SLC4A1: variants seen among roughly 807,000 people sequenced by gnomAD.
The protein encoded by SLC4A1 is band 3 anion transport protein.
SLC4A1 carries 29 observed loss-of-function variants against 93.1 expected under a neutral mutation model. The observed-to-expected ratio is 0.31, with a 90% CI of 0.23 to 0.42. The LOEUF (loss-of-function observed/expected upper bound fraction) is 0.42. Among genes scored for constraint, SLC4A1 ranks in the 20% least tolerant of loss-of-function variants. SLC4A1 has a pLI of 1.00. For synonymous variants in SLC4A1, 469 were observed against 497.2 expected (o/e 0.94, Z 0.76); for missense variants, 965 against 1,190.1 (o/e 0.81, Z 2.78).
At chr17:44,252,263 C>G (rs1451390199) in intron 17 of SLC4A1, among the ~76,000 whole-genome samples, 1 of 151,980 alleles carries the variant, frequency 6.6e-6, no homozygotes, top group Non-Finnish European at 1.5e-5. Flanking sequence ...CCATGTTGGA[C>G]AGGGTGACCC....
Position 44,257,513 on chromosome 17 carries a change from A to C in SLC4A1, c.1463T>G (p.Val488Gly). 1 of 1,614,078 alleles carries C rather than the reference A, an allele frequency of 6.2e-7. No individual in the cohort carries two copies. Among genetic ancestry groups the C allele is most frequent in the Non-Finnish European group, 8.5e-7 (1 of 1,180,010 alleles). ...CCAGAAGCCGATCCACACGCGGCCCACGATGTACTCTAGACCGTTGGTCTC... is the reference window on the plus strand; with the variant it reads ...CCAGAAGCCGATCCACACGCGGCCCCCGATGTACTCTAGACCGTTGGTCTC... The part of the protein sequence containing the change: ...FCETNGLEYI[V>G]GRVWIGFWLI... The change falls in exon 13 of 20, where the codon GTG (valine) becomes GGG (glycine). Residue 488 changes from valine (V) to glycine (G), a missense_variant. Around this residue, in one of 2 missense-constraint regions of SLC4A1, gnomAD observed 770 missense variants for 1,006.6 expected, o/e 0.76. Transcript: ENST00000262418.
In SLC4A1 at chr17:44,262,733, G is replaced by A; in HGVS notation, c.16-7C>T. ...TCATGTCTTCATAATCATCCTGTGGGAAGTGGCCGCTGAGGCTGGGCTGTG... is the reference window on the plus strand; with the variant it reads ...TCATGTCTTCATAATCATCCTGTGGAAAGTGGCCGCTGAGGCTGGGCTGTG... On this transcript the variant is annotated splice_region_variant and splice_polypyrimidine_tract_variant and intron_variant, in intron 2 of 19. Coordinates refer to ENST00000262418, the MANE Select transcript of SLC4A1 (RefSeq NM_000342.4). 1 of 1,613,720 alleles carries A rather than the reference G, an allele frequency of 6.2e-7. No homozygotes were observed. Among genetic ancestry groups the A allele is most frequent in the South Asian group, 1.1e-5 (1 of 91,070 alleles).
intron 16 of SLC4A1, 39 bp downstream of exon 16, chr17:44,254,457 T>G: frequency 3.1e-6 from 4 of 1,282,720 alleles, no homozygotes; most frequent in Admixed American, 1.7e-5. Flanking sequence ...GGTCCCTGCC[T>G]CCCACCCTCC....
rs753548782 is a variant in SLC4A1, at chr17:44,260,657, C to T, written c.327G>A (p.Glu109=). 8 of 1,614,056 alleles carry T rather than the reference C, an allele frequency of 5.0e-6. No homozygotes were observed. The highest frequency in any genetic ancestry group is 2.5e-6 in the Non-Finnish European group (3 of 1,180,024). The change falls in exon 5 of 20, where the codon GAG becomes GAA. Residue 109 remains glutamate (E), a synonymous_variant. Transcript: ENST00000262418. Reference sequence around the variant, plus strand: ...CACCCTTGGTGAAGACTCTACGCAGCTCTAGGAGGCTCCAGAAGGTGAGGT... The same window carrying T: ...CACCCTTGGTGAAGACTCTACGCAGTTCTAGGAGGCTCCAGAAGGTGAGGT... ...LSHLTFWSLL[E]LRRVFTKGTV... is the part of the protein sequence containing the mutation.
intron 3 of SLC4A1, chr17:44,262,185 A>C: frequency 4.0e-6 from 2 of 498,930 alleles, no homozygotes; most frequent in Non-Finnish European, 5.6e-6. Context: ...TGTTGACAGT[A>C]AACAGGTCCT....
At position 44,253,305 on chromosome 17, in the gene SLC4A1, C is replaced by G; in HGVS notation, c.2124G>C (p.Leu708=). The change falls in exon 17 of 20, where the codon CTG becomes CTC. Residue 708 remains leucine, a synonymous_variant. Coordinates refer to ENST00000262418, the MANE Select transcript of SLC4A1 (RefSeq NM_000342.4). ...CGGCCACCCCACCCATGCCTACTAC[C>G]AGCAGCAGGTCCAGGTGGAAGCCGG... ...KGSGFHLDLL[L]VVGMGGVAAL... 1 of 1,614,042 alleles carries G rather than the reference C, an allele frequency of 6.2e-7. No individual in the cohort carries two copies. Among genetic ancestry groups the G allele is most frequent in the Non-Finnish European group, 8.5e-7 (1 of 1,179,992 alleles).
At chr17:44,260,051 G>C in intron 6 of SLC4A1, 119 bp from the exon 7 acceptor site, 1 of 1,307,328 alleles carries the variant, frequency 7.6e-7, no homozygotes, top group Non-Finnish European at 1.1e-6. Context: ...AGACATCTGG[G>C]ACTTCCCAGA....
intron 16 of SLC4A1, among the ~76,000 whole-genome samples, chr17:44,253,608 G>A (rs2047362536): frequency 6.6e-6 from 1 of 151,986 alleles, no homozygotes; most frequent in South Asian, 2.1e-4. Flanking sequence ...GCTTCAGGGA[G>A]CTTTGCTTGT....
At chr17:44,263,968 G>A (rs1319707249) in intron 1 of SLC4A1, among the ~76,000 whole-genome samples, 3 of 151,926 alleles carry the variant, frequency 2.0e-5, no homozygotes, top group African/African-American at 7.3e-5. Flanking sequence ...TAGAAACAGG[G>A]TCTCACTATC....
At chr17:44,265,717 G>A (rs2047490713) in intron 1 of SLC4A1, among the ~76,000 whole-genome samples, 1 of 152,168 alleles carries the variant, frequency 6.6e-6, no homozygotes, top group African/African-American at 2.4e-5. Flanking sequence ...TGTGAGGCAT[G>A]CCTGGGTGGA....
Position 44,268,125 on chromosome 17 carries a change from C to G in SLC4A1, c.-140G>C, listed in dbSNP as rs893399936. 15 of 985,326 alleles carry G rather than the reference C, an allele frequency of 1.5e-5. No individual in the cohort carries two copies. In the African/African-American group the frequency reaches 2.4e-4, roughly 16 times the overall value. 61.0% of individuals were successfully genotyped at this position (985,326 alleles called of 1,614,324 possible). On this transcript the variant is annotated 5_prime_UTR_variant, in exon 1 of 20. Coordinates refer to ENST00000262418, the MANE Select transcript of SLC4A1 (RefSeq NM_000342.4). ...GTGCCCTCTGCGACCAGCTACGTTC[C>G]CACTCGTTCTGACAGCACCAGCGCC...
In SLC4A1 at chr17:44,258,739, A is replaced by C. The variant is rs1374087819; in HGVS notation, c.877-116T>G. 4.9e-6 allele frequency: 5 copies of C among 1,017,438 alleles called. No individual in the cohort carries two copies. The African/African-American group carries it at 8.0e-5, about 16-fold the overall frequency. 63.0% of individuals were successfully genotyped at this position (1,017,438 alleles called of 1,614,324 possible). On this transcript the variant is annotated intron_variant, in intron 9 of 19. Coordinates refer to ENST00000262418, the MANE Select transcript of SLC4A1 (RefSeq NM_000342.4). The surrounding 1 kb of genome is among the most constrained non-coding windows in gnomAD (Gnocchi z 6.1). ...CCCTCAGGCAGCAGCTCCCATTGCC[A>C]GGAACTGCTTTTCCTGCCCGCTCCC...
chr17:44,257,235 A>ACCTG, intron 13 of SLC4A1, 115 bp downstream of exon 13: 1 of 981,698 alleles, frequency 1.0e-6, no homozygotes, highest in Non-Finnish European at 1.6e-6. Context: ...CGGGTGATCC[A>ACCTG]CCTGCCTCGG....
At chr17:44,252,926 C>T (rs761739362) in intron 17 of SLC4A1, among the ~76,000 whole-genome samples, 192 bp downstream of exon 17, 4 of 152,122 alleles carry the variant, frequency 2.6e-5, no homozygotes, top group East Asian at 1.9e-4. Flanking sequence ...CCTGCTCAGA[C>T]GCCCAGCCCA....
intron 1 of SLC4A1, 56 bp from the exon 2 acceptor site, chr17:44,262,990 C>T (rs1453300571): frequency 3.9e-5 from 57 of 1,473,318 alleles, no homozygotes; most frequent in Middle Eastern, 2.3e-4. Context: ...GTCTCCTGGT[C>T]CTCCTCCAGA....
Position 44,253,128 on chromosome 17 carries a change from A to G in SLC4A1, c.2301T>C (p.Ala767=). The change falls in exon 17 of 20, where the codon GCT becomes GCC. Residue 767 remains alanine (A), a synonymous_variant. Transcript: ENST00000262418. ...CCAGCTTTCACTCACCCACAAGCAC[A>G]GCGACCAGGAGTCCACTGATCCGCT... The part of the protein sequence containing the change: ...KEQRISGLLV[A]VLVGLSILME... 6.2e-7 allele frequency: 1 copy of G among 1,611,996 alleles called. No individual in the cohort carries two copies. Among genetic ancestry groups the G allele is most frequent in the Non-Finnish European group, 8.5e-7 (1 of 1,180,026 alleles).
chr17:44,262,409 T>C (rs1567836072), intron 3 of SLC4A1, among the ~76,000 whole-genome samples: 1 of 152,218 alleles, frequency 6.6e-6, no homozygotes, highest in East Asian at 1.9e-4. Flanking sequence ...CCCGCCCTTC[T>C]CACATTGCAG....
chr17:44,265,928 C>T (rs186184653), intron 1 of SLC4A1, among the ~76,000 whole-genome samples: 105 of 151,076 alleles, frequency 7.0e-4, no homozygotes, highest in Non-Finnish European at 1.4e-3. Context: ...TGCAGTGAAC[C>T]GAGATTGCGC....
intron 17 of SLC4A1, 127 bp from the exon 18 acceptor site, chr17:44,251,715 C>CTTTTTTT: frequency 4.7e-6 from 2 of 422,916 alleles, no homozygotes; most frequent in Non-Finnish European, 3.8e-6. Flanking sequence ...TTTTCCTTTT[C>CTTTTTTT]TTTTCTTTTT....
Sources: allele counts gnomAD v4.1 joint callset (sites outside exome capture counted in the v4.1 genomes callset), GRCh38; gene constraint gnomAD v4.1.1; regional missense constraint gnomAD v4.1.1; non-coding constraint Gnocchi (gnomAD v3.1); transcripts MANE v1.5; gene names NCBI Gene and HGNC (gene_info 2026-07-23, HGNC 2026-07-21).